KLHL1: variants seen among roughly 807,000 people sequenced by gnomAD.
KLHL1 encodes the protein kelch like family member 1.
Under a neutral mutation model 77.7 loss-of-function variants are expected in KLHL1, and 47 were observed. The ratio of observed to expected loss-of-function variants is 0.60; its 90% CI spans 0.48 to 0.77. KLHL1 has a LOEUF of 0.77. KLHL1 is among the 30% of genes least tolerant of loss of function. KLHL1 has a pLI of 0.00. For synonymous variants in KLHL1, 360 were observed against 325.2 expected (o/e 1.11, Z -1.15); for missense variants, 925 against 910.8 (o/e 1.02, Z -0.20).
intron 4 of KLHL1, among the ~76,000 whole-genome samples, chr13:69,883,429 A>ACTTACCT (rs1172372316): frequency 7.9e-5 from 12 of 152,180 alleles, no homozygotes; most frequent in African/African-American, 2.4e-4. Context: ...TCAATGCAAG[A>ACTTACCT]CTTACCTATT....
chr13:69,748,726 C>T (rs866728850), intron 7 of KLHL1, among the ~76,000 whole-genome samples: 9 of 151,704 alleles, frequency 5.9e-5, no homozygotes, highest in South Asian at 2.1e-4. Context: ...TAACAGTGCT[C>T]GGCAAATGAT....
intron 1 of KLHL1, among the ~76,000 whole-genome samples, chr13:70,023,180 T>C (rs766406806): frequency 1.3e-5 from 2 of 151,932 alleles, no homozygotes; most frequent in Non-Finnish European, 1.5e-5. Context: ...TATTCAAACA[T>C]ATCAGCTCTA....
At chr13:70,103,879 A>G (rs1433373732) in intron 1 of KLHL1, among the ~76,000 whole-genome samples, 1 of 152,156 alleles carries the variant, frequency 6.6e-6, no homozygotes, top group Non-Finnish European at 1.5e-5. Context: ...AGAGGTGGCT[A>G]TGTAAGACTA....
At chr13:69,923,004 T>G (rs922817181) in intron 4 of KLHL1, among the ~76,000 whole-genome samples, 1 of 152,202 alleles carries the variant, frequency 6.6e-6, no homozygotes, top group African/African-American at 2.4e-5. Flanking sequence ...TATTACATAA[T>G]GAATTATTTA....
intron 6 of KLHL1, among the ~76,000 whole-genome samples, chr13:69,829,786 G>A (rs376379939): frequency 6.7e-6 from 1 of 150,124 alleles, no homozygotes; most frequent in Admixed American, 6.7e-5. Context: ...AACTATTGGG[G>A]TCTTATCTTT....
chr13:69,796,082 G>T (rs1229802978), intron 7 of KLHL1, among the ~76,000 whole-genome samples: 1 of 152,164 alleles, frequency 6.6e-6, no homozygotes, highest in Non-Finnish European at 1.5e-5. Context: ...TTTGAGGACA[G>T]CTTGAGGTCT....
chr13:69,775,715 G>T (rs759141729), intron 7 of KLHL1, among the ~76,000 whole-genome samples: 9 of 151,720 alleles, frequency 5.9e-5, no homozygotes, highest in Non-Finnish European at 1.2e-4. Flanking sequence ...TTTTGATACA[G>T]TGTCGTGCTC....
At position 69,839,070 on chromosome 13, in the gene KLHL1, T is replaced by C. The variant is rs1187652332; in HGVS notation, c.1320A>G (p.Pro440=). ...ILEAMKYHLL[P]ERRTLMQSPR... The stretch of plus-strand genomic sequence containing the variant: ...GACTTTGCATTAAAGTTCTTCTTTC[T>C]GGCAATAGATGGTATTTCATTGCTT... Residue 440 remains proline (P), a synonymous_variant, in exon 6 of 11, where the codon CCA becomes CCG. Transcript: ENST00000377844. 1.9e-6 allele frequency: 3 copies of C among 1,610,864 alleles called. No individual in the cohort carries two copies. The highest frequency in any genetic ancestry group is 2.5e-6 in the Non-Finnish European group (3 of 1,178,052).
At chr13:69,835,076 C>T (rs999957445) in intron 6 of KLHL1, among the ~76,000 whole-genome samples, 1 of 152,044 alleles carries the variant, frequency 6.6e-6, no homozygotes, top group Non-Finnish European at 1.5e-5. Context: ...AATGAGTCTA[C>T]CTTACAAATA....
intron 4 of KLHL1, among the ~76,000 whole-genome samples, chr13:69,939,357 A>ATATATATACATATACATAC: frequency 1.2e-5 from 1 of 80,290 alleles, no homozygotes; most frequent in African/African-American, 4.8e-5. Flanking sequence ...ATATATATAT[A>ATATATATACATATACATAC]TATATATATA....
chr13:69,913,552 T>A (rs1180416635), intron 4 of KLHL1, among the ~76,000 whole-genome samples: 1 of 152,232 alleles, frequency 6.6e-6, no homozygotes. Context: ...TAAACAGAGC[T>A]ATGTATCATT....
intron 1 of KLHL1, among the ~76,000 whole-genome samples, chr13:70,080,135 G>A (rs1007624167): frequency 1.3e-5 from 2 of 152,284 alleles, no homozygotes; most frequent in Non-Finnish European, 1.5e-5. Flanking sequence ...ATCTGGCAGA[G>A]TCTGAAAGGA....
intron 4 of KLHL1, among the ~76,000 whole-genome samples, chr13:69,933,720 C>G (rs1291123328): frequency 6.6e-6 from 1 of 152,014 alleles, no homozygotes; most frequent in Non-Finnish European, 1.5e-5. Flanking sequence ...CTTAGTGCCA[C>G]CGTCTCTGCC....
chr13:69,948,979 T>C (rs1162548269), intron 3 of KLHL1, among the ~76,000 whole-genome samples: 1 of 151,934 alleles, frequency 6.6e-6, no homozygotes, highest in African/African-American at 2.4e-5. Flanking sequence ...AAAATTGACA[T>C]TTTTAGTAAC....
At chr13:70,045,462 G>T (rs1183577580) in intron 1 of KLHL1, among the ~76,000 whole-genome samples, 2 of 152,006 alleles carry the variant, frequency 1.3e-5, no homozygotes, top group East Asian at 3.9e-4. Context: ...CAGAAAGAGG[G>T]CTAGAAGTAG....
chr13:70,106,650 A>C (rs1036425441), intron 1 of KLHL1, among the ~76,000 whole-genome samples: 1 of 152,220 alleles, frequency 6.6e-6, no homozygotes, highest in Non-Finnish European at 1.5e-5. Context: ...CCAGAAGAGA[A>C]GTTGGGACAG....
intron 1 of KLHL1, among the ~76,000 whole-genome samples, chr13:70,059,343 A>G (rs975281580): frequency 6.6e-6 from 1 of 151,748 alleles, no homozygotes; most frequent in Non-Finnish European, 1.5e-5. Context: ...GGTTTTTTCA[A>G]TTTTTTAGTA....
At chr13:69,855,434 A>AGATAT (rs1291955747) in intron 5 of KLHL1, among the ~76,000 whole-genome samples, 1 of 152,026 alleles carries the variant, frequency 6.6e-6, no homozygotes, top group South Asian at 2.1e-4. Context: ...ACAGAGATAG[A>AGATAT]GATATGATAT....
At chr13:69,777,300 T>C (rs1039940876) in intron 7 of KLHL1, among the ~76,000 whole-genome samples, 2 of 152,154 alleles carry the variant, frequency 1.3e-5, no homozygotes, top group Non-Finnish European at 2.9e-5. Context: ...AATAAGAAAA[T>C]AGACTAATAC....
Sources: allele counts gnomAD v4.1 joint callset (sites outside exome capture counted in the v4.1 genomes callset), GRCh38; gene constraint gnomAD v4.1.1; transcripts MANE v1.5; gene names NCBI Gene and HGNC (gene_info 2026-07-23, HGNC 2026-07-21).